SVIL: variants seen among roughly 807,000 people sequenced by gnomAD.
SVIL encodes archvillin.
Under a neutral mutation model 240.4 loss-of-function variants are expected in SVIL, and 101 were observed. The observed-to-expected ratio is 0.42, with a 90% CI of 0.36 to 0.50. The LOEUF (loss-of-function observed/expected upper bound fraction) is 0.50, where lower values mean the gene tolerates loss of function less well. SVIL is among the 20% of genes least tolerant of loss of function. The pLI is 0.01. For missense variants in SVIL, 2,512 were observed against 2,818.7 expected (o/e 0.89, Z 2.46); for synonymous variants, 999 against 1,100.0 (o/e 0.91, Z 1.82).
At chr10:29,587,810 G>A (rs547918321) in intron 1 of SVIL, among the ~76,000 whole-genome samples, 4 of 152,286 alleles carry the variant, frequency 2.6e-5, no homozygotes, top group Non-Finnish European at 4.4e-5. Context: ...GAAGCCATAG[G>A]TCAGGGGAAC....
chr10:29,679,202 C>CACAA (rs970120385), intron 2 of SVIL, among the ~76,000 whole-genome samples: 22 of 152,246 alleles, frequency 1.4e-4, no homozygotes, highest in East Asian at 3.9e-4. Context: ...GAGACTCCGT[C>CACAA]ACAAACAAAC....
At chr10:29,658,678 T>C (rs1348489968) in intron 2 of SVIL, among the ~76,000 whole-genome samples, 1 of 152,054 alleles carries the variant, frequency 6.6e-6, no homozygotes, top group Non-Finnish European at 1.5e-5. Flanking sequence ...ATCACTTGAG[T>C]CCAGGAGGTT....
At chr10:29,578,855 T>C (rs1356405578) in intron 1 of SVIL, among the ~76,000 whole-genome samples, 1 of 152,216 alleles carries the variant, frequency 6.6e-6, no homozygotes, top group Non-Finnish European at 1.5e-5. Context: ...ATTTCTTGAA[T>C]AGTTTGCAGA....
intron 3 of SVIL, among the ~76,000 whole-genome samples, chr10:29,645,296 G>A (rs1958619965): frequency 6.6e-6 from 1 of 152,306 alleles, no homozygotes; most frequent in East Asian, 1.9e-4. Flanking sequence ...GGGGCCAGGT[G>A]TGGTGGGTCA....
Position 29,496,506 on chromosome 10 carries a change from C to T in SVIL, c.3665-1325G>A, listed in dbSNP as rs1948454903. On this transcript the variant is annotated intron_variant, in intron 18 of 37. Coordinates refer to ENST00000355867, the MANE Select transcript of SVIL (RefSeq NM_021738.3). ...TCTGAAGGCTGGTTTCCAAAGCAAC[C>T]GGAGAAATCCATCCGTGTCCTGGCC... 12 of 432,528 alleles carry T rather than the reference C, an allele frequency of 2.8e-5. 1 individual carries two copies. Among genetic ancestry groups the T allele is most frequent in the South Asian group, 2.0e-4 (12 of 60,058 alleles). The allele number at this position is 432,528 out of a possible 1,614,324, so 26.8% of individuals were successfully genotyped here. A position where few individuals can be genotyped will look rare whatever the true frequency, so the allele number is the denominator to read the frequency against.
intron 1 of SVIL, among the ~76,000 whole-genome samples, chr10:29,692,039 T>C (rs561643938): frequency 6.6e-6 from 1 of 152,292 alleles, no homozygotes; most frequent in South Asian, 2.1e-4. Context: ...CTCACTCAGC[T>C]AAGACACTGT....
chr10:29,480,359 C>T lies in SVIL; in HGVS notation c.5377+178G>A, dbSNP rs6481597. Reference sequence around the variant, plus strand: ...CGGCAATGCTAGGTTGTTAGGAATTCGGCCTTACTTCTTTTCATCTCTGTA... The same window carrying T: ...CGGCAATGCTAGGTTGTTAGGAATTTGGCCTTACTTCTTTTCATCTCTGTA... On this transcript the variant is annotated intron_variant, in intron 29 of 37. Transcript: ENST00000355867. 0.096 allele frequency among the ~76,000 whole-genome samples: 14,572 copies of T among 152,166 alleles called. 877 individuals carry two copies. The highest frequency in any genetic ancestry group is 0.13 in the Non-Finnish European group (9,010 of 67,990).
At chr10:29,469,358 G>C (rs1292290316) in intron 32 of SVIL, among the ~76,000 whole-genome samples, 1 of 152,172 alleles carries the variant, frequency 6.6e-6, no homozygotes, top group African/African-American at 2.4e-5. Context: ...TTTCAGAGTG[G>C]ACACAGGGGC....
At chr10:29,469,337 G>A (rs1299660440) in intron 32 of SVIL, among the ~76,000 whole-genome samples, 1 of 152,162 alleles carries the variant, frequency 6.6e-6, no homozygotes, top group Non-Finnish European at 1.5e-5. Flanking sequence ...TGCCCTCTCT[G>A]GGTAGTGTGT....
At chr10:29,729,548 G>A (rs1964489059) in intron 1 of SVIL, among the ~76,000 whole-genome samples, 1 of 150,378 alleles carries the variant, frequency 6.6e-6, no homozygotes, top group South Asian at 2.1e-4. Context: ...TTAAAAGTTG[G>A]CAATTGGCCG....
intron 2 of SVIL, among the ~76,000 whole-genome samples, chr10:29,659,315 T>G (rs1396139839): frequency 6.6e-6 from 1 of 152,176 alleles, no homozygotes; most frequent in African/African-American, 2.4e-5. Context: ...CTTTGGGAAG[T>G]CTTTTGTCTT....
At chr10:29,714,946 A>AT (rs1245732913) in intron 1 of SVIL, among the ~76,000 whole-genome samples, 4 of 137,706 alleles carry the variant, frequency 2.9e-5, no homozygotes, top group Non-Finnish European at 6.3e-5. Context: ...CTTGTCTGAA[A>AT]TTAAAAAAAA....
At chr10:29,468,005 A>C in intron 32 of SVIL, 130 bp from the exon 33 acceptor site, 1 of 1,048,226 alleles carries the variant, frequency 9.5e-7, no homozygotes, top group East Asian at 2.5e-5. Flanking sequence ...CATAAAATTC[A>C]CTCTTTTTAT....
chr10:29,517,487 G>A (rs931668627), intron 16 of SVIL, among the ~76,000 whole-genome samples: 33 of 152,168 alleles, frequency 2.2e-4, no homozygotes, highest in African/African-American at 8.0e-4. Flanking sequence ...GGGAACTGCC[G>A]CTCTATTCTT....
chr10:29,466,041 C>T (rs1944869008), intron 33 of SVIL, among the ~76,000 whole-genome samples: 2 of 151,906 alleles, frequency 1.3e-5, no homozygotes, highest in African/African-American at 4.8e-5. Context: ...AGTTAATATC[C>T]TTAATACATG....
intron 1 of SVIL, among the ~76,000 whole-genome samples, chr10:29,574,136 T>G (rs1357920378): frequency 6.6e-6 from 1 of 152,242 alleles, no homozygotes; most frequent in African/African-American, 2.4e-5. Context: ...TGAGAAGCAC[T>G]AATCTTACTC....
Position 29,494,967 on chromosome 10 carries a change from G to C in SVIL, c.3788C>G (p.Ser1263Trp), listed in dbSNP as rs149199305. 216 of 1,613,066 alleles carry C rather than the reference G, an allele frequency of 1.3e-4. No homozygotes were observed. The highest frequency in any genetic ancestry group is 8.3e-4 in the Middle Eastern group (5 of 6,058). ...TTCCAGCCTGTCCAACTTCAGGTCC[G>C]ATTCTAACTGCATATCTGGTCTGGC... is the stretch of plus-strand genomic sequence containing the variant. ...IEARPDMQLE[S>W]DLKLDRLETF... The change falls in exon 20 of 38, where the codon TCG becomes TGG. Residue 1263 changes from serine (S) to tryptophan (W), a missense_variant. By Grantham distance (177) the Ser-to-Trp change is radical. Coordinates refer to ENST00000355867, the MANE Select transcript of SVIL (RefSeq NM_021738.3).
At chr10:29,620,244 A>T (rs1056289110) in intron 1 of SVIL, among the ~76,000 whole-genome samples, 2 of 152,060 alleles carry the variant, frequency 1.3e-5, no homozygotes, top group African/African-American at 4.8e-5. Flanking sequence ...ACAGAAAGAG[A>T]ATAAGAGAAA....
At chr10:29,522,274 C>G (rs983573686) in intron 16 of SVIL, 136 bp downstream of exon 16, 14 of 881,754 alleles carry the variant, frequency 1.6e-5, no homozygotes, top group Admixed American at 2.5e-5. Flanking sequence ...TAGAATTACT[C>G]CAGGACAACA....
Sources: allele counts gnomAD v4.1 joint callset (sites outside exome capture counted in the v4.1 genomes callset), GRCh38; gene constraint gnomAD v4.1.1; transcripts MANE v1.5; gene names NCBI Gene and HGNC (gene_info 2026-07-23, HGNC 2026-07-21).